Variants in GALNT2 observed in about 807,000 individuals in gnomAD.
The protein encoded by GALNT2 is polypeptide N-acetylgalactosaminyltransferase 2.
In GALNT2, 31 loss-of-function variants were observed where a neutral mutation model predicts 81.4. That is an observed-to-expected ratio of 0.38 (90% CI 0.29 to 0.51). The LOEUF (loss-of-function observed/expected upper bound fraction) is 0.51. Among genes scored for constraint, GALNT2 ranks in the 20% least tolerant of loss-of-function variants. GALNT2 has a pLI of 0.87. For missense variants in GALNT2, 629 were observed against 765.7 expected (o/e 0.82, Z 2.11); for synonymous variants, 303 against 287.4 (o/e 1.05, Z -0.55).
At chr1:230,099,264 C>T (rs1660334677) in intron 1 of GALNT2, among the ~76,000 whole-genome samples, 1 of 152,180 alleles carries the variant, frequency 6.6e-6, no homozygotes, top group Non-Finnish European at 1.5e-5. Context: ...TTGTCAAACC[C>T]ATTTGCTTAC....
chr1:230,184,065 G>A (rs188808908), intron 2 of GALNT2, among the ~76,000 whole-genome samples: 79 of 151,718 alleles, frequency 5.2e-4, no homozygotes, highest in African/African-American at 1.7e-3. Context: ...GTTTCTGATC[G>A]ATGTTATTTT....
chr1:230,184,566 C>T (rs1663262095), intron 2 of GALNT2, among the ~76,000 whole-genome samples: 1 of 151,948 alleles, frequency 6.6e-6, no homozygotes, highest in East Asian at 1.9e-4. Flanking sequence ...ATTTCCCTCT[C>T]CTCTCTTCTT....
chr1:230,131,649 G>A (rs1159313271), intron 1 of GALNT2, among the ~76,000 whole-genome samples: 3 of 152,266 alleles, frequency 2.0e-5, no homozygotes, highest in African/African-American at 7.2e-5. Context: ...GTTTAGCTCC[G>A]CTGCACCAGC....
At chr1:230,249,691 G>C (rs1037909434) in intron 9 of GALNT2, among the ~76,000 whole-genome samples, 51 of 152,096 alleles carry the variant, frequency 3.4e-4, no homozygotes, top group Non-Finnish European at 6.2e-4. Context: ...ATGCTTTTAA[G>C]ATTCCCAGGC....
At chr1:230,111,423 T>C (rs1660702417) in intron 1 of GALNT2, among the ~76,000 whole-genome samples, 1 of 152,232 alleles carries the variant, frequency 6.6e-6, no homozygotes, top group South Asian at 2.1e-4. Context: ...CACACATGTG[T>C]ATTTACCTAC....
intron 1 of GALNT2, among the ~76,000 whole-genome samples, chr1:230,107,829 G>A (rs969549413): frequency 2.0e-5 from 3 of 152,192 alleles, no homozygotes; most frequent in African/African-American, 7.2e-5. Flanking sequence ...TCAAGGGACT[G>A]CTAAGACTTG....
At chr1:230,109,326 G>C (rs1660635816) in intron 1 of GALNT2, among the ~76,000 whole-genome samples, 1 of 152,182 alleles carries the variant, frequency 6.6e-6, no homozygotes, top group Non-Finnish European at 1.5e-5. Context: ...GCTCCCTCGG[G>C]GTGTAGCAGG....
intron 9 of GALNT2, 44 bp downstream of exon 9, chr1:230,249,315 C>G: frequency 6.4e-7 from 1 of 1,568,052 alleles, no homozygotes; most frequent in Non-Finnish European, 8.8e-7. Context: ...AGATGAGACC[C>G]CAGGTTCCAG....
At chr1:230,116,207 A>G (rs1011554824) in intron 1 of GALNT2, among the ~76,000 whole-genome samples, 15 of 152,080 alleles carry the variant, frequency 9.9e-5, no homozygotes, top group African/African-American at 2.9e-4. Context: ...GTCACTATCT[A>G]TGGCAGTTAT....
At chr1:230,093,307 A>G (rs552376421) in intron 1 of GALNT2, among the ~76,000 whole-genome samples, 1 of 152,226 alleles carries the variant, frequency 6.6e-6, no homozygotes, top group Non-Finnish European at 1.5e-5. Flanking sequence ...ACATGATAAT[A>G]GTGTCCGTCA....
intron 2 of GALNT2, among the ~76,000 whole-genome samples, chr1:230,191,377 G>C (rs1446451649): frequency 6.6e-6 from 1 of 152,210 alleles, no homozygotes; most frequent in Non-Finnish European, 1.5e-5. Context: ...TTACAGAAGG[G>C]CTTCCAAGGG....
intron 13 of GALNT2, 171 bp downstream of exon 13, chr1:230,263,176 C>T: frequency 1.6e-6 from 1 of 611,712 alleles, no homozygotes. Context: ...AATCTGCTCC[C>T]AAGTTGGCCT....
chr1:230,196,455 T>C (rs926996719), intron 2 of GALNT2, among the ~76,000 whole-genome samples: 4 of 152,110 alleles, frequency 2.6e-5, no homozygotes, highest in Non-Finnish European at 2.9e-5. Flanking sequence ...TTGGGGAAAA[T>C]AGAGGGTGGT....
At chr1:230,179,017 G>A (rs1663075694) in intron 2 of GALNT2, among the ~76,000 whole-genome samples, 1 of 151,378 alleles carries the variant, frequency 6.6e-6, no homozygotes, top group Non-Finnish European at 1.5e-5. Flanking sequence ...TGGAATCATA[G>A]GGTATGTCAG....
In GALNT2 at chr1:230,124,778, C is replaced by T. The variant is rs74145448; in HGVS notation, c.127-53440C>T. ...GAGTCATGGGGACGGGTGGGACCTG[C>T]CGTGATGGTCCCACCTGCATTACCC... is the stretch of plus-strand genomic sequence containing the variant. On this transcript the variant is annotated intron_variant, in intron 1 of 15. Transcript: ENST00000366672. Among the ~76,000 whole-genome samples the T allele has an allele frequency of 1.5e-3, 230 of 152,294 alleles. 1 individual carries two copies. Among genetic ancestry groups the T allele is most frequent in the African/African-American group, 5.3e-3 (222 of 41,562 alleles).
intron 1 of GALNT2, among the ~76,000 whole-genome samples, chr1:230,114,716 T>C (rs768743937): frequency 1.3e-5 from 2 of 152,220 alleles, no homozygotes; most frequent in Non-Finnish European, 2.9e-5. Flanking sequence ...GAACGCTGAA[T>C]TGAGCTCTTG....
intron 2 of GALNT2, among the ~76,000 whole-genome samples, chr1:230,182,506 C>T (rs1279064697): frequency 4.6e-5 from 7 of 152,102 alleles, no homozygotes; most frequent in Non-Finnish European, 8.8e-5. Flanking sequence ...TTTAGAAGTG[C>T]GTTGTTTAGT....
At chr1:230,154,067 T>G (rs1165707836) in intron 1 of GALNT2, among the ~76,000 whole-genome samples, 2 of 152,238 alleles carry the variant, frequency 1.3e-5, no homozygotes, top group Non-Finnish European at 2.9e-5. Context: ...TCTTGGGGCC[T>G]CAGTGCTTTT....
chr1:230,079,832 C>A (rs907969712), intron 1 of GALNT2, among the ~76,000 whole-genome samples: 1 of 152,146 alleles, frequency 6.6e-6, no homozygotes, highest in African/African-American at 2.4e-5. Flanking sequence ...TGGAGGCAGA[C>A]GGGCTCATGA....
Sources: gnomAD v4.1 joint callset for allele counts (sites outside exome capture counted in the v4.1 genomes callset) on GRCh38, gnomAD v4.1.1 for gene constraint, MANE v1.5 for transcripts, NCBI Gene and HGNC (gene_info 2026-07-23, HGNC 2026-07-21) for gene names.